Variants in CRHBP observed in about 807,000 individuals in gnomAD.
CRHBP encodes the protein corticotropin releasing hormone binding protein.
CRHBP carries 19 observed loss-of-function variants against 34.9 expected under a neutral mutation model. The ratio of observed to expected loss-of-function variants is 0.55; its 90% CI spans 0.38 to 0.80. The LOEUF is 0.80. Among genes scored for constraint, CRHBP ranks in the 30% least tolerant of loss-of-function variants. CRHBP has a pLI of 0.00. For missense variants in CRHBP, 328 were observed against 409.2 expected (o/e 0.80, Z 1.71); for synonymous variants, 154 against 153.4 (o/e 1.00, Z -0.03).
chr5:76,958,076 T>G (rs551098833), intron 4 of CRHBP, among the ~76,000 whole-genome samples: 5 of 151,858 alleles, frequency 3.3e-5, no homozygotes, highest in Non-Finnish European at 2.9e-5. Context: ...GGAGAATCAC[T>G]TGAACCCGGG....
chr5:76,968,939 T>C lies in CRHBP; in HGVS notation c.*54T>C, dbSNP rs1020394977. 3 of 1,582,034 alleles carry C rather than the reference T, an allele frequency of 1.9e-6. No homozygotes were observed. The highest frequency in any genetic ancestry group is 1.8e-5 in the Admixed American group (1 of 56,688). ...TAGCTAAGTGAGTTTTTAATGGCCA[T>C]TGTGTATGATTTTGATGCACAACTA... On this transcript the variant is annotated 3_prime_UTR_variant, in exon 7 of 7. Transcript: ENST00000274368.
At chr5:76,970,050 C>T (rs1297036940), downstream of CRHBP, among the ~76,000 whole-genome samples, 3 of 142,502 alleles carry the variant, frequency 2.1e-5, no homozygotes, top group Admixed American at 1.5e-4. Context: ...TGGGTTCAAG[C>T]GATTCTCCTG....
chr5:76,960,569 C>T (rs1038334238), intron 5 of CRHBP, among the ~76,000 whole-genome samples: 3 of 152,058 alleles, frequency 2.0e-5, no homozygotes, highest in African/African-American at 7.3e-5. Context: ...TTTTATGGCT[C>T]TGGTGAGATG....
chr5:76,961,508 C>T (rs1169259027), intron 5 of CRHBP, among the ~76,000 whole-genome samples: 1 of 152,190 alleles, frequency 6.6e-6, no homozygotes, highest in Non-Finnish European at 1.5e-5. Flanking sequence ...GCTTATTCCA[C>T]TCTCAATACA....
downstream of CRHBP, among the ~76,000 whole-genome samples, chr5:76,973,893 T>C (rs1745982484): frequency 6.6e-6 from 1 of 152,068 alleles, no homozygotes; most frequent in African/African-American, 2.4e-5. Context: ...AATCTCTGCC[T>C]CCAGGGTTCA....
chr5:76,981,148 C>T (rs958734539), exon 4 of CRHBP: 1 of 152,182 alleles, frequency 6.6e-6, no homozygotes, highest in Non-Finnish European at 1.5e-5. Context: ...TAAAATATCT[C>T]TAAAAAGAGG....
At chr5:76,967,669 G>T (rs1391656527) in intron 6 of CRHBP, among the ~76,000 whole-genome samples, 1 of 151,610 alleles carries the variant, frequency 6.6e-6, no homozygotes, top group Non-Finnish European at 1.5e-5. Context: ...TATAAAAGTT[G>T]TCAGATCTTA....
At chr5:76,972,722 T>C (rs570893195), downstream of CRHBP, among the ~76,000 whole-genome samples, 1 of 152,238 alleles carries the variant, frequency 6.6e-6, no homozygotes, top group South Asian at 2.1e-4. Flanking sequence ...CTGCCTATGA[T>C]ACTGGACTTT....
rs868049681 is a variant in CRHBP at position 76,953,835 on chromosome 5, G to C, written c.175+141G>C. On this transcript the variant is annotated intron_variant, in intron 2 of 6. Transcript: ENST00000274368. The stretch of plus-strand genomic sequence containing the variant: ...GGCGCGGTCCCCTTAGCTAAGGATC[G>C]GTCCGCGGAGGCGCGCCAGGAGCGG... 1.1e-5 allele frequency: 13 copies of C among 1,158,172 alleles called. No individual in the cohort carries two copies. In the Middle Eastern group the frequency reaches 1.2e-3, roughly 104 times the overall value. 71.7% of individuals were successfully genotyped at this position (1,158,172 alleles called of 1,614,324 possible).
intron 4 of CRHBP, among the ~76,000 whole-genome samples, chr5:76,956,861 CGGCTGAA>C (rs1745679199): frequency 6.6e-6 from 1 of 152,108 alleles, no homozygotes; most frequent in African/African-American, 2.4e-5. Flanking sequence ...ACACTTCATG[CGGCTGAA>C]AGATGGGGCC....
At position 76,954,050 on chromosome 5, in the gene CRHBP, T is replaced by A. The variant is rs540216340; in HGVS notation, c.197T>A (p.Leu66His). ...CCAGGGTGCCTGGACATGCTGAGCC[T>A]CCAGGGCCAGTTCACCTTCACCGCC... ...RALRCLDMLSLQGQFTFTADR... is the reference protein window; with the variant it reads ...RALRCLDMLSHQGQFTFTADR... The change falls in exon 3 of 7, where the codon CTC (leucine) becomes CAC (histidine). Residue 66 changes from leucine to histidine, a missense_variant. Leu to His is a moderately conservative substitution (Grantham distance 99). This residue lies in a region of CRHBP where 173 missense variants were observed against 172.2 expected (regional missense o/e 1.00). Coordinates refer to ENST00000274368, the MANE Select transcript of CRHBP (RefSeq NM_001882.4). 4.9e-5 allele frequency: 79 copies of A among 1,613,762 alleles called. 2 individuals carry two copies. In the South Asian group the frequency reaches 8.0e-4, roughly 16 times the overall value.
chr5:76,980,027 G>A (rs530940232), intron 3 of CRHBP, among the ~76,000 whole-genome samples: 8 of 150,452 alleles, frequency 5.3e-5, no homozygotes, highest in Admixed American at 2.0e-4. Flanking sequence ...CGAGGCGGGC[G>A]GATCACGAGG....
At chr5:76,974,148 C>G (rs983353686), downstream of CRHBP, among the ~76,000 whole-genome samples, 2 of 151,908 alleles carry the variant, frequency 1.3e-5, no homozygotes, top group African/African-American at 4.8e-5. Flanking sequence ...TCCCAAGTAG[C>G]TGGGATTACA....
downstream of CRHBP, among the ~76,000 whole-genome samples, chr5:76,972,724 C>G (rs1041105981): frequency 7.2e-5 from 11 of 152,198 alleles, no homozygotes; most frequent in Admixed American, 5.9e-4. Flanking sequence ...GCCTATGATA[C>G]TGGACTTTCT....
chr5:76,953,711 C>A lies in CRHBP; in HGVS notation c.175+17C>A. 6.3e-7 allele frequency: 1 copy of A among 1,593,996 alleles called. No individual in the cohort carries two copies. The highest frequency in any genetic ancestry group is 2.3e-5 in the East Asian group (1 of 43,832). On this transcript the variant is annotated intron_variant, in intron 2 of 6. Coordinates refer to ENST00000274368, the MANE Select transcript of CRHBP (RefSeq NM_001882.4). ...GCGCTCTGCGTGAGTCGAGGCTGCC[C>A]GGCTCGCGGGCGCCCGGGACGCGGG...
downstream of CRHBP, among the ~76,000 whole-genome samples, chr5:76,969,940 T>A (rs1335040865): frequency 3.4e-5 from 2 of 58,466 alleles, no homozygotes; most frequent in African/African-American, 1.2e-4. Context: ...AATTCTTTTT[T>A]TTTTTTTTTT....
chr5:76,953,419 C>T (rs1745603871), intron 1 of CRHBP, 182 bp from the exon 2 acceptor site: 3 of 853,698 alleles, frequency 3.5e-6, no homozygotes, highest in African/African-American at 3.4e-5. Context: ...CCTCTGGCCG[C>T]TGGGGATACC....
chr5:76,962,497 G>A (rs1443915835), intron 5 of CRHBP, among the ~76,000 whole-genome samples: 1 of 151,912 alleles, frequency 6.6e-6, no homozygotes, highest in East Asian at 1.9e-4. Context: ...AAAATGAAAA[G>A]GCTGGGTGAG....
At position 76,958,714 on chromosome 5, in the gene CRHBP, G is replaced by T. The variant is rs199529245; in HGVS notation, c.545-27G>T. The T allele has an allele frequency of 1.1e-4, 176 of 1,593,842 alleles. 2 individuals carry two copies. The African/African-American group carries it at 2.2e-3, about 20-fold the overall frequency. Reference sequence around the variant, plus strand: ...ACCTAGCAAACCAAGTAAAGGAAACGTGAATTTCTTTTTCTTTTCTACAAA... The same window carrying T: ...ACCTAGCAAACCAAGTAAAGGAAACTTGAATTTCTTTTTCTTTTCTACAAA... On this transcript the variant is annotated intron_variant, in intron 4 of 6. Coordinates refer to ENST00000274368, the MANE Select transcript of CRHBP (RefSeq NM_001882.4).
Sources: gnomAD v4.1 joint callset for allele counts (sites outside exome capture counted in the v4.1 genomes callset) on GRCh38, gnomAD v4.1.1 for gene constraint, gnomAD v4.1.1 regional missense constraint, MANE v1.5 for transcripts, NCBI Gene and HGNC (gene_info 2026-07-23, HGNC 2026-07-21) for gene names.